The following ADAM10 variants were observed in gnomAD, a reference collection of about 807,000 sequenced individuals.
ADAM10 encodes the protein ADAM metallopeptidase domain 10.
In ADAM10, 17 loss-of-function variants were observed where a neutral mutation model predicts 90.1. The ratio of observed to expected loss-of-function variants is 0.19; its 90% CI spans 0.13 to 0.28. The LOEUF is 0.28. Among genes scored for constraint, ADAM10 ranks in the 10% least tolerant of loss-of-function variants. The pLI, the probability that ADAM10 is intolerant of heterozygous loss-of-function variation, is 1.00. For missense variants in ADAM10, 610 were observed against 914.3 expected (o/e 0.67, Z 4.29); for synonymous variants, 310 against 298.6 (o/e 1.04, Z -0.40).
chr15:58,749,356 A>C (rs1595678468), intron 1 of ADAM10, 124 bp downstream of exon 1: 2 of 1,174,654 alleles, frequency 1.7e-6, no homozygotes, highest in East Asian at 3.9e-5. Flanking sequence ...GGCCCGCCAG[A>C]GTGGCGCCGC....
chr15:58,714,709 T>A (rs540253704), intron 2 of ADAM10, among the ~76,000 whole-genome samples: 2 of 152,008 alleles, frequency 1.3e-5, no homozygotes, highest in South Asian at 2.1e-4. Flanking sequence ...ATAAAACATA[T>A]TCGTATTAAA....
In ADAM10 at chr15:58,645,336, A is replaced by G. The variant is rs140184640; in HGVS notation, c.735+719T>C. The stretch of plus-strand genomic sequence containing the variant: ...TTTTCCTCACTAGCTTCTCTTCCTC[A>G]ACCTATTCACCATATACAGATAGCT... On this transcript the variant is annotated intron_variant, in intron 6 of 15. Transcript: ENST00000260408. Among the ~76,000 whole-genome samples the G allele has an allele frequency of 9.5e-3, 1,447 of 152,200 alleles. 21 individuals are homozygous for G. The highest frequency in any genetic ancestry group is 0.033 in the African/African-American group (1,370 of 41,512).
intron 14 of ADAM10, among the ~76,000 whole-genome samples, chr15:58,608,969 C>T (rs1424841550): frequency 6.6e-6 from 1 of 151,474 alleles, no homozygotes; most frequent in Admixed American, 6.6e-5. Flanking sequence ...CTACAGCAGA[C>T]AAGTATACCA....
chr15:58,643,061 G>T (rs1566977649), intron 7 of ADAM10, among the ~76,000 whole-genome samples: 1 of 151,934 alleles, frequency 6.6e-6, no homozygotes, highest in Non-Finnish European at 1.5e-5. Flanking sequence ...TTTTGTGAAA[G>T]GATGATTTTT....
chr15:58,662,521 A>G (rs1364937952), intron 5 of ADAM10, among the ~76,000 whole-genome samples: 2 of 152,106 alleles, frequency 1.3e-5, no homozygotes, highest in African/African-American at 4.8e-5. Flanking sequence ...AATAATTATT[A>G]CTATTATGGA....
chr15:58,749,690 A>T lies in ADAM10; in HGVS notation c.-156T>A. 7.0e-7 allele frequency: 1 copy of T among 1,436,758 alleles called. No individual in the cohort carries two copies. Among genetic ancestry groups the T allele is most frequent in the Non-Finnish European group, 9.2e-7 (1 of 1,083,318 alleles). 89.0% of individuals were successfully genotyped at this position (1,436,758 alleles called of 1,614,324 possible). A position where few individuals can be genotyped will look rare whatever the true frequency, so the allele number is the denominator to read the frequency against. On this transcript the variant is annotated 5_prime_UTR_variant, in exon 1 of 16. Transcript: ENST00000260408. ...CGGCGAAGCACCTCCCTCTCGCTCC[A>T]CTTCAGGGGCCGGCAACGCTCCTAG...
rs1894831552 is a variant in ADAM10, at chr15:58,591,899, C to T, written c.*5648G>A. 6.6e-6 allele frequency: 1 copy of T among 152,180 alleles called. No homozygotes were observed. Among genetic ancestry groups the T allele is most frequent in the Non-Finnish European group, 1.5e-5 (1 of 68,032 alleles). The allele number at this position is 152,180 out of a possible 1,614,324, so 9.4% of individuals were successfully genotyped here. ...TTTCCAATGGTCTCAACAGTTTGTT[C>T]AAATCAGTATCCAAATAAGTCCATA... On this transcript the variant is annotated 3_prime_UTR_variant, in exon 16 of 16. Transcript: ENST00000260408.
chr15:58,700,205 G>C (rs1357463726), intron 2 of ADAM10, among the ~76,000 whole-genome samples: 1 of 152,080 alleles, frequency 6.6e-6, no homozygotes, highest in Non-Finnish European at 1.5e-5. Context: ...AATTAACAAA[G>C]AATCATTGGA....
chr15:58,690,325 A>G (rs1897743886), intron 2 of ADAM10, among the ~76,000 whole-genome samples: 1 of 152,192 alleles, frequency 6.6e-6, no homozygotes, highest in Non-Finnish European at 1.5e-5. Context: ...GATTGGGAAG[A>G]AGGTAAAGAT....
At chr15:58,664,043 C>T (rs1171258087) in intron 5 of ADAM10, among the ~76,000 whole-genome samples, 2 of 152,102 alleles carry the variant, frequency 1.3e-5, no homozygotes, top group African/African-American at 4.8e-5. Context: ...CTAAAATCTA[C>T]TCTTAAACTC....
intron 11 of ADAM10, among the ~76,000 whole-genome samples, chr15:58,620,986 G>C (rs1402676501): frequency 6.6e-6 from 1 of 151,694 alleles, no homozygotes; most frequent in African/African-American, 2.4e-5. Context: ...GTATTTTTTA[G>C]GATTCTTTTT....
intron 4 of ADAM10, among the ~76,000 whole-genome samples, chr15:58,669,760 A>G (rs1596049547): frequency 6.6e-6 from 1 of 152,320 alleles, no homozygotes; most frequent in East Asian, 1.9e-4. Flanking sequence ...TTAACAAATC[A>G]TGGTATCCAC....
At position 58,646,223 on chromosome 15, in the gene ADAM10, T is replaced by A. The variant is rs199813299; in HGVS notation, c.586-19A>T. On this transcript the variant is annotated intron_variant, in intron 5 of 15. Coordinates refer to ENST00000260408, the MANE Select transcript of ADAM10 (RefSeq NM_001110.4). ...GAGGTATCTATACATCAAAAAGTCA[T>A]TTCTGACAATTAGTATGCTTCAATA... 12 of 1,608,150 alleles carry A rather than the reference T, an allele frequency of 7.5e-6. No individual in the cohort carries two copies. In the Middle Eastern group the frequency reaches 6.7e-4, roughly 90 times the overall value.
intron 2 of ADAM10, among the ~76,000 whole-genome samples, chr15:58,706,358 T>G (rs541492013): frequency 1.4e-3 from 216 of 152,300 alleles, no homozygotes; most frequent in African/African-American, 5.1e-3. Context: ...CCTGGGTTAG[T>G]GGTTACTAGG....
rs148577415 is a variant in ADAM10 at position 58,688,655 on chromosome 15, G to A, written c.207-6341C>T. 9.5e-3 allele frequency among the ~76,000 whole-genome samples: 1,416 copies of A among 149,522 alleles called. 21 individuals are homozygous for A. The highest frequency in any genetic ancestry group is 0.033 in the African/African-American group (1,334 of 40,752). On this transcript the variant is annotated intron_variant, in intron 2 of 15. Transcript: ENST00000260408. ...CAATAAGGAGAAACCAAAAACTGTC[G>A]AAAGAGGGGAGGGAAGGGGAGGGAC... is the stretch of plus-strand genomic sequence containing the variant.
At chr15:58,636,034 T>TG (rs1293239727) in intron 8 of ADAM10, among the ~76,000 whole-genome samples, 136 of 152,284 alleles carry the variant, frequency 8.9e-4, no homozygotes, top group African/African-American at 3.1e-3. Context: ...CCCAACACTT[T>TG]GGGTGGCGGC....
chr15:58,631,476 G>T (rs1255891385), intron 9 of ADAM10, among the ~76,000 whole-genome samples: 1 of 152,178 alleles, frequency 6.6e-6, no homozygotes, highest in East Asian at 1.9e-4. Context: ...GAATGGTCTA[G>T]ATTCCCTACT....
chr15:58,675,406 G>A (rs755809962), intron 4 of ADAM10, among the ~76,000 whole-genome samples: 6 of 152,164 alleles, frequency 3.9e-5, no homozygotes, highest in Non-Finnish European at 8.8e-5. Context: ...CAAAAAAGGT[G>A]TAAGGGAATT....
At chr15:58,633,069 T>C in intron 9 of ADAM10, 127 bp downstream of exon 9, 1 of 893,224 alleles carries the variant, frequency 1.1e-6, no homozygotes, top group Non-Finnish European at 1.8e-6. Flanking sequence ...AATACATTAC[T>C]GTGCTCTGAC....
Sources: allele counts gnomAD v4.1 joint callset (sites outside exome capture counted in the v4.1 genomes callset), GRCh38; gene constraint gnomAD v4.1.1; transcripts MANE v1.5; gene names NCBI Gene and HGNC (gene_info 2026-07-23, HGNC 2026-07-21).